Variants in TMEM232 observed in about 807,000 individuals in gnomAD.
TMEM232 encodes the protein transmembrane protein 232.
TMEM232 carries 80 observed loss-of-function variants against 78.8 expected under a neutral mutation model. The ratio of observed to expected loss-of-function variants is 1.01; its 90% CI spans 0.85 to 1.22. The LOEUF (loss-of-function observed/expected upper bound fraction) is 1.22, where lower values mean the gene tolerates loss of function less well. Among genes scored for constraint, TMEM232 ranks in the 50% most tolerant of loss-of-function variants. The pLI is 0.00. For synonymous variants in TMEM232, 297 were observed against 254.3 expected (o/e 1.17, Z -1.60); for missense variants, 881 against 742.2 (o/e 1.19, Z -2.17).
chr5:110,702,174 G>GA (rs1317246124), intron 1 of TMEM232, among the ~76,000 whole-genome samples: 1 of 151,910 alleles, frequency 6.6e-6, no homozygotes, highest in African/African-American at 2.4e-5. Flanking sequence ...AGAAAAAAAA[G>GA]AAAATCTTAC....
At chr5:110,552,067 A>G (rs527435810) in intron 11 of TMEM232, among the ~76,000 whole-genome samples, 5 of 152,162 alleles carry the variant, frequency 3.3e-5, no homozygotes, top group African/African-American at 1.2e-4. Context: ...TAAGATAATA[A>G]CAAAATATAT....
intron 10 of TMEM232, among the ~76,000 whole-genome samples, chr5:110,587,215 G>GAC (rs145577144): frequency 2.0e-5 from 3 of 151,068 alleles, no homozygotes; most frequent in Admixed American, 1.3e-4. Context: ...TACACCCAGA[G>GAC]ACACACACAC....
rs573973886 is a variant in TMEM232 at position 110,665,902 on chromosome 5, A to C, written c.125+1326T>G. Among the ~76,000 whole-genome samples the C allele has an allele frequency of 3.5e-4, 53 of 151,778 alleles. No individual in the cohort carries two copies. The South Asian group carries it at 0.011, about 32-fold the overall frequency. Reference sequence around the variant, plus strand: ...TGACCCCATCTCCACAAAAAAAAAAAAAAAAAAAAACTAAAAATTAGCCAG... The same window carrying C: ...TGACCCCATCTCCACAAAAAAAAAACAAAAAAAAAACTAAAAATTAGCCAG... On this transcript the variant is annotated intron_variant, in intron 2 of 13. Coordinates refer to ENST00000455884, the MANE Select transcript of TMEM232 (RefSeq NM_001039763.4).
chr5:110,399,464 G>T (rs2112567053), intron 2 of TMEM232, among the ~76,000 whole-genome samples: 1 of 152,204 alleles, frequency 6.6e-6, no homozygotes, highest in South Asian at 2.1e-4. Context: ...GACAATGAGG[G>T]CATCAAATAT....
chr5:110,618,434 T>C lies in TMEM232; in HGVS notation c.897A>G (p.Lys299=). The C allele has an allele frequency of 6.4e-7, 1 of 1,550,498 alleles. No homozygotes were observed. Among genetic ancestry groups the C allele is most frequent in the Non-Finnish European group, 8.7e-7 (1 of 1,146,580 alleles). The change falls in exon 8 of 14, where the codon AAA becomes AAG. Residue 299 remains lysine, a synonymous_variant. Transcript: ENST00000455884. ...LVFHKTQLQK[K]CWLDSVLALL... ...ATTTATAGGATCACTCTTACCAGCA[T>C]TTCTTTTGAAGCTGTGTCTTATGGA...
chr5:110,592,822 T>C (rs979407802), intron 10 of TMEM232, among the ~76,000 whole-genome samples: 2 of 152,216 alleles, frequency 1.3e-5, no homozygotes, highest in South Asian at 2.1e-4. Context: ...GCTGATAGCA[T>C]GTGACCTGTA....
At chr5:110,594,783 A>G (rs530091220) in intron 10 of TMEM232, among the ~76,000 whole-genome samples, 51 of 152,360 alleles carry the variant, frequency 3.3e-4, no homozygotes, top group African/African-American at 1.2e-3. Flanking sequence ...CAGCAGCCCC[A>G]GTCAGGGGCT....
chr5:110,639,497 T>C (rs1314379733), intron 4 of TMEM232, among the ~76,000 whole-genome samples: 1 of 152,210 alleles, frequency 6.6e-6, no homozygotes, highest in Non-Finnish European at 1.5e-5. Context: ...TTTCATCTTC[T>C]AGTTCCCTCT....
At chr5:110,491,535 G>T (rs1765097116) in intron 12 of TMEM232, among the ~76,000 whole-genome samples, 1 of 151,962 alleles carries the variant, frequency 6.6e-6, no homozygotes, top group Non-Finnish European at 1.5e-5. Flanking sequence ...AATGGTAAAA[G>T]ATTTCATTTT....
intron 7 of TMEM232, among the ~76,000 whole-genome samples, chr5:110,621,837 C>A (rs932385023): frequency 6.6e-6 from 1 of 152,104 alleles, no homozygotes; most frequent in Non-Finnish European, 1.5e-5. Flanking sequence ...GTAGCTGGAA[C>A]AATGCCTACT....
chr5:110,561,590 G>A (rs751860757), intron 11 of TMEM232, among the ~76,000 whole-genome samples: 6 of 152,016 alleles, frequency 3.9e-5, no homozygotes, highest in Non-Finnish European at 5.9e-5. Flanking sequence ...TCCCATTTAT[G>A]CAGCTTTCTA....
At chr5:110,671,827 T>C (rs1033416799) in intron 1 of TMEM232, among the ~76,000 whole-genome samples, 2 of 152,180 alleles carry the variant, frequency 1.3e-5, no homozygotes, top group Non-Finnish European at 2.9e-5. Context: ...CAAACCACCA[T>C]GGCATGTACA....
intron 10 of TMEM232, among the ~76,000 whole-genome samples, chr5:110,584,183 A>G (rs1778531373): frequency 6.6e-6 from 1 of 152,012 alleles, no homozygotes; most frequent in South Asian, 2.1e-4. Flanking sequence ...AGGATCTCAA[A>G]GAGATATTAG....
intron 10 of TMEM232, among the ~76,000 whole-genome samples, chr5:110,571,369 C>A (rs1776918253): frequency 6.6e-6 from 1 of 151,966 alleles, no homozygotes; most frequent in South Asian, 2.1e-4. Context: ...TTTCTTGGAA[C>A]ACAAGCTTTC....
At position 110,501,351 on chromosome 5, in the gene TMEM232, G is replaced by A. The variant is rs6881182; in HGVS notation, c.1703+27237C>T. Among the ~76,000 whole-genome samples the A allele has an allele frequency of 9.2e-3, 1,402 of 151,984 alleles. 24 individuals are homozygous for A. Among genetic ancestry groups the A allele is most frequent in the African/African-American group, 0.032 (1,330 of 41,476 alleles). ...ACTTCTGTTTATAAAGGAATTGTAA[G>A]AGAAAAGTAGAATGTAAATACTAAT... On this transcript the variant is annotated intron_variant, in intron 12 of 13. Coordinates refer to ENST00000455884, the MANE Select transcript of TMEM232 (RefSeq NM_001039763.4).
At chr5:110,696,902 C>T in intron 1 of TMEM232, among the ~76,000 whole-genome samples, 1 of 152,110 alleles carries the variant, frequency 6.6e-6, no homozygotes, top group Non-Finnish European at 1.5e-5. Context: ...AATGCCATCC[C>T]CATCAAGCTA....
chr5:110,589,076 T>A (rs1333898893), intron 10 of TMEM232, among the ~76,000 whole-genome samples: 1 of 152,072 alleles, frequency 6.6e-6, no homozygotes, highest in Non-Finnish European at 1.5e-5. Flanking sequence ...CATTTCAAAT[T>A]TGAAAGATAG....
At chr5:110,681,589 A>C (rs1039858193) in intron 1 of TMEM232, among the ~76,000 whole-genome samples, 1 of 152,202 alleles carries the variant, frequency 6.6e-6, no homozygotes, top group East Asian at 1.9e-4. Context: ...CATCCGAAAA[A>C]AGGGGGTTTG....
intron 10 of TMEM232, among the ~76,000 whole-genome samples, chr5:110,570,732 T>C (rs539404322): frequency 4.7e-4 from 72 of 152,138 alleles, no homozygotes; most frequent in African/African-American, 1.2e-3. Context: ...GCTTCACCAT[T>C]ACTAATCCAC....
Sources: gnomAD v4.1 joint callset for allele counts (sites outside exome capture counted in the v4.1 genomes callset) on GRCh38, gnomAD v4.1.1 for gene constraint, MANE v1.5 for transcripts, NCBI Gene and HGNC (gene_info 2026-07-23, HGNC 2026-07-21) for gene names.